TRIM61: variants seen among roughly 807,000 people sequenced by gnomAD.
TRIM61 encodes the protein tripartite motif containing 61, also known as putative tripartite motif-containing protein 61.
A neutral mutation model predicts 14.2 loss-of-function variants in TRIM61; 1 was observed. The observed-to-expected ratio is 0.07, with a 90% confidence interval of 0.03 to 0.33. The LOEUF (loss-of-function observed/expected upper bound fraction) is 0.33, where lower values mean the gene tolerates loss of function less well. Ranked by LOEUF, TRIM61 falls within the 10% of genes least tolerant of loss-of-function variation. The probability of loss-of-function intolerance (pLI) is 0.99; values close to 1 mark genes in which losing one functional copy is unlikely to be tolerated. For synonymous variants in TRIM61, 8 were observed against 71.6 expected, an observed-to-expected ratio of 0.11 and a Z score of 4.49; for missense variants, 19 against 202.2, an observed-to-expected ratio of 0.09 and a Z score of 5.49.
chr4:164,962,667 A>G (rs187006141), intron 3 of TRIM61, among the ~76,000 whole-genome samples: 221 of 151,046 alleles, frequency 1.5e-3, no homozygotes, highest in African/African-American at 5.2e-3. Context: ...ATTCATTGCC[A>G]TCAAGTGGAC....
intron 3 of TRIM61, among the ~76,000 whole-genome samples, chr4:164,964,097 C>T (rs949873032): frequency 5.9e-5 from 9 of 151,864 alleles, no homozygotes; most frequent in Admixed American, 2.6e-4. Context: ...TGCCTGTAAT[C>T]TCAGCACTTT....
chr4:164,967,920 G>GGCAGGT, intron 3 of TRIM61, among the ~76,000 whole-genome samples: 1 of 152,118 alleles, frequency 6.6e-6, no homozygotes, highest in African/African-American at 2.4e-5. Flanking sequence ...GGGAGGCCGA[G>GGCAGGT]GCAGGTGAAT....
chr4:164,963,359 C>T (rs977945462), intron 3 of TRIM61, among the ~76,000 whole-genome samples: 3 of 152,156 alleles, frequency 2.0e-5, no homozygotes, highest in East Asian at 1.9e-4. Context: ...AAACAGAGAA[C>T]GCAAAATAAG....
At chr4:164,960,766 C>T (rs974500459) in intron 3 of TRIM61, among the ~76,000 whole-genome samples, 10 of 152,002 alleles carry the variant, frequency 6.6e-5, no homozygotes, top group African/African-American at 1.9e-4. Flanking sequence ...GCCTAACCAA[C>T]GTGGTGAAAA....
chr4:164,970,496 TA>T lies in TRIM61; in HGVS notation c.-337-158del, dbSNP rs201077044. Among the ~76,000 whole-genome samples, 208 of 143,098 alleles carry T rather than the reference TA, an allele frequency of 1.5e-3. 1 individual carries two copies. Among genetic ancestry groups the T allele is most frequent in the East Asian group, 8.6e-3 (42 of 4,880 alleles). The allele number at this position is 143,098 out of a possible 152,430, so 93.9% of individuals were successfully genotyped here. ...GAGATTCACGCCATACATTACTTAT[TA>T]AAAAAAAAAAAACTAAAAAATATGG... is the stretch of plus-strand genomic sequence containing the variant. On this transcript the variant is annotated intron_variant, in intron 2 of 4. Transcript: ENST00000329314.
rs139126598 is a variant in TRIM61 at position 164,968,118 on chromosome 4, A to G, written c.525+1360T>C. ...AGTGAGCCGAGATCCTGGCCATTGC[A>G]CTCCAGCCTGGGCAACGAAAAAAGG... On this transcript the variant is annotated intron_variant, in intron 3 of 4. Coordinates refer to ENST00000329314, the MANE Select transcript of TRIM61 (RefSeq NM_001012414.3). 1.2e-3 allele frequency: 1,156 copies of G among 969,308 alleles called. 10 individuals carry two copies. The African/African-American group carries it at 0.019, about 16-fold the overall frequency. 60.0% of individuals were successfully genotyped at this position (969,308 alleles called of 1,614,324 possible).
chr4:164,954,574 T>C lies in TRIM61; in HGVS notation c.*211A>G, dbSNP rs978798061. ...ATATGTTCTTGTATTAATTAGCATATTTATATGTACATATTATACAGAAAT... is the reference window on the plus strand; with the variant it reads ...ATATGTTCTTGTATTAATTAGCATACTTATATGTACATATTATACAGAAAT... On this transcript the variant is annotated 3_prime_UTR_variant, in exon 5 of 5. Transcript: ENST00000329314. 3 of 152,240 alleles carry C rather than the reference T, an allele frequency of 2.0e-5. No homozygotes were observed. The highest frequency in any genetic ancestry group is 7.2e-5 in the African/African-American group (3 of 41,464). The allele number at this position is 152,240 out of a possible 1,614,324, so 9.4% of individuals were successfully genotyped here.
intron 3 of TRIM61, 197 bp downstream of exon 3, chr4:164,968,084 G>C (rs187340500): frequency 1.3e-6 from 1 of 793,606 alleles, no homozygotes; most frequent in Admixed American, 6.3e-5. Context: ...CCTGGGAGAC[G>C]GAGGTTGCAG....
chr4:164,966,065 G>A (rs1035281317), intron 3 of TRIM61, among the ~76,000 whole-genome samples: 3 of 152,200 alleles, frequency 2.0e-5, no homozygotes, highest in East Asian at 3.8e-4. Flanking sequence ...GTGAACAAAT[G>A]TGCCTGTGTT....
chr4:164,960,721 C>T (rs1732113458), intron 3 of TRIM61, among the ~76,000 whole-genome samples: 1 of 152,118 alleles, frequency 6.6e-6, no homozygotes, highest in Non-Finnish European at 1.5e-5. Flanking sequence ...GAGGCTGAGG[C>T]AGGCAGATCA....
intron 3 of TRIM61, chr4:164,958,561 GTTTT>G (rs1431941081): frequency 6.0e-6 from 1 of 166,882 alleles, no homozygotes; most frequent in African/African-American, 2.4e-5. Flanking sequence ...GCAGAAGAAA[GTTTT>G]TTTCTTTCAT....
At chr4:164,971,523 G>C (rs1452083464) in intron 2 of TRIM61, among the ~76,000 whole-genome samples, 1 of 151,780 alleles carries the variant, frequency 6.6e-6, no homozygotes, top group Non-Finnish European at 1.5e-5. Context: ...CCCGAGAGGA[G>C]GAGGTTGTGG....
At chr4:164,962,367 C>T (rs1416041115) in intron 3 of TRIM61, among the ~76,000 whole-genome samples, 1 of 151,208 alleles carries the variant, frequency 6.6e-6, no homozygotes, top group Non-Finnish European at 1.5e-5. Flanking sequence ...ACTACAGGCG[C>T]CTGCCACCAT....
chr4:164,972,778 C>T (rs1191008023), intron 2 of TRIM61, among the ~76,000 whole-genome samples: 2 of 152,186 alleles, frequency 1.3e-5, no homozygotes, highest in African/African-American at 2.4e-5. Context: ...CATTAGCCAC[C>T]GCACCTGACA....
chr4:164,959,891 A>G (rs1732095603), intron 3 of TRIM61, among the ~76,000 whole-genome samples: 1 of 152,208 alleles, frequency 6.6e-6, no homozygotes, highest in Admixed American at 6.5e-5. Context: ...GTTCTCCCGA[A>G]AAAGTATGTT....
chr4:164,963,744 C>A (rs1486805802), intron 3 of TRIM61, among the ~76,000 whole-genome samples: 57 of 117,026 alleles, frequency 4.9e-4, no homozygotes, highest in South Asian at 8.4e-4. Flanking sequence ...AACTCTGTTT[C>A]AAAAAAAAAA....
chr4:164,973,735 T>C (rs1732422318), intron 2 of TRIM61, among the ~76,000 whole-genome samples: 1 of 152,212 alleles, frequency 6.6e-6, no homozygotes, highest in African/African-American at 2.4e-5. Context: ...CAATAAAAAA[T>C]ATTGTAGGAC....
At chr4:164,955,367 G>C (rs2111126383) in intron 3 of TRIM61, among the ~76,000 whole-genome samples, 1 of 151,982 alleles carries the variant, frequency 6.6e-6, no homozygotes, top group Non-Finnish European at 1.5e-5. Flanking sequence ...ACCATTCTTG[G>C]AATATATTGA....
chr4:164,963,064 T>C (rs1231174999), intron 3 of TRIM61, among the ~76,000 whole-genome samples: 1 of 152,168 alleles, frequency 6.6e-6, no homozygotes, highest in Non-Finnish European at 1.5e-5. Context: ...AAAATTAAAA[T>C]GTAATCATAA....
Sources: allele counts gnomAD v4.1 joint callset (sites outside exome capture counted in the v4.1 genomes callset), GRCh38; gene constraint gnomAD v4.1.1; transcripts MANE v1.5; gene names NCBI Gene and HGNC (gene_info 2026-07-23, HGNC 2026-07-21).